Variants in TANK observed in about 807,000 individuals in gnomAD.
TANK encodes the protein TRAF family member associated NFKB activator.
In TANK, 15 loss-of-function variants were observed where a neutral mutation model predicts 43.6. That is an observed-to-expected ratio of 0.34 (90% CI 0.23 to 0.53). The LOEUF (loss-of-function observed/expected upper bound fraction) is 0.53, where lower values mean the gene tolerates loss of function less well. Ranked by LOEUF, TANK falls within the 20% of genes least tolerant of loss-of-function variation. TANK has a pLI of 0.94. For synonymous variants in TANK, 162 were observed against 178.2 expected, an observed-to-expected ratio of 0.91 and a Z score of 0.73; for missense variants, 417 against 498.6, an observed-to-expected ratio of 0.84 and a Z score of 1.56.
At chr2:161,193,793 C>G (rs1686023881) in intron 2 of TANK, among the ~76,000 whole-genome samples, 1 of 152,160 alleles carries the variant, frequency 6.6e-6, no homozygotes, top group Non-Finnish European at 1.5e-5. Context: ...TTCACACCCT[C>G]TAGCCAGAAC....
intron 1 of TANK, among the ~76,000 whole-genome samples, chr2:161,175,833 T>G (rs1685150959): frequency 6.6e-6 from 1 of 152,228 alleles, no homozygotes; most frequent in East Asian, 1.9e-4. Context: ...AAGGAATTAC[T>G]GCTAGATTGA....
intron 1 of TANK, among the ~76,000 whole-genome samples, chr2:161,151,967 C>T (rs1300841440): frequency 6.6e-6 from 1 of 152,012 alleles, no homozygotes; most frequent in East Asian, 1.9e-4. Context: ...TTAGTCATTA[C>T]CATGTGAGTT....
chr2:161,235,213 T>C, intron 7 of TANK, 129 bp from the exon 8 acceptor site: 1 of 746,938 alleles, frequency 1.3e-6, no homozygotes, highest in Non-Finnish European at 2.0e-6. Context: ...TACGGAAAAG[T>C]AATTTGCTTT....
At chr2:161,166,201 T>C (rs576619879) in intron 1 of TANK, among the ~76,000 whole-genome samples, 1 of 152,328 alleles carries the variant, frequency 6.6e-6, no homozygotes, top group South Asian at 2.1e-4. Context: ...AATACAAAAT[T>C]CAAATTCTAA....
chr2:161,203,599 T>A lies in TANK; in HGVS notation c.208+4T>A, dbSNP rs1202514440. On this transcript the variant is annotated splice_donor_region_variant and intron_variant, in intron 3 of 7. Transcript: ENST00000392749. The stretch of plus-strand genomic sequence containing the variant: ...CTTCTTGTGAATTCCACTCAAGGTA[T>A]GTTCATGTTAATTTTTTATGTATTT... 6.3e-7 allele frequency: 1 copy of A among 1,576,666 alleles called. No individual in the cohort carries two copies. Among genetic ancestry groups the A allele is most frequent in the South Asian group, 1.1e-5 (1 of 87,332 alleles).
At chr2:161,163,658 A>G (rs1193992896) in intron 1 of TANK, 1 of 152,220 alleles carries the variant, frequency 6.6e-6, no homozygotes, top group Non-Finnish European at 1.5e-5. Context: ...TCTTAATTTA[A>G]AGGTAATAAC....
In TANK at chr2:161,174,640, C is replaced by T. The variant is rs374849135; in HGVS notation, c.-49-4974C>T. Among the ~76,000 whole-genome samples, 19 of 152,198 alleles carry T rather than the reference C, an allele frequency of 1.2e-4. No individual in the cohort carries two copies. In the East Asian group the frequency reaches 2.7e-3, roughly 22 times the overall value. ...ATAAAGTTAAAGGAGATTCTATTAT[C>T]CAAACTCTTTGTCTTAATAACAAAG... On this transcript the variant is annotated intron_variant, in intron 1 of 7. Transcript: ENST00000392749.
At chr2:161,141,241 T>C (rs1322494031) in intron 1 of TANK, among the ~76,000 whole-genome samples, 1 of 152,262 alleles carries the variant, frequency 6.6e-6, no homozygotes, top group African/African-American at 2.4e-5. Context: ...CCTCAGCCCC[T>C]GGCAACCACA....
intron 1 of TANK, among the ~76,000 whole-genome samples, chr2:161,166,353 A>G (rs1343971010): frequency 1.3e-5 from 2 of 152,342 alleles, no homozygotes; most frequent in African/African-American, 4.8e-5. Context: ...GCAAGAGGTC[A>G]GTTGGGGAAT....
At chr2:161,161,647 A>AAT (rs142452887) in intron 1 of TANK, 104 of 594,348 alleles carry the variant, frequency 1.7e-4, no homozygotes, top group South Asian at 3.1e-4. Flanking sequence ...TTTCAGATTA[A>AAT]ATATATATAT....
At chr2:161,206,455 T>G (rs761026823) in intron 4 of TANK, among the ~76,000 whole-genome samples, 4 of 152,168 alleles carry the variant, frequency 2.6e-5, no homozygotes, top group Non-Finnish European at 5.9e-5. Flanking sequence ...AGTTACTGAT[T>G]GCATAACTAA....
intron 1 of TANK, chr2:161,161,177 A>G (rs564240734): frequency 2.7e-6 from 4 of 1,469,776 alleles, no homozygotes; most frequent in African/African-American, 1.4e-5. Flanking sequence ...TTCTAGAAGT[A>G]GAAAGGGGGA....
chr2:161,162,511 T>C (rs1157429776), intron 1 of TANK: 1 of 152,110 alleles, frequency 6.6e-6, no homozygotes, highest in African/African-American at 2.4e-5. Context: ...ATTCATCTTA[T>C]CTCTTTCTTT....
intron 1 of TANK, among the ~76,000 whole-genome samples, chr2:161,152,322 G>A (rs1228647343): frequency 6.6e-6 from 1 of 151,702 alleles, no homozygotes; most frequent in Non-Finnish European, 1.5e-5. Flanking sequence ...ATTTCTTTAG[G>A]GTAAGTCTAC....
intron 1 of TANK, among the ~76,000 whole-genome samples, chr2:161,174,092 T>C (rs1685074246): frequency 6.6e-6 from 1 of 152,218 alleles, no homozygotes; most frequent in African/African-American, 2.4e-5. Flanking sequence ...CTTATATATA[T>C]GGTCTCACTG....
chr2:161,230,419 T>C (rs986729102), intron 6 of TANK, among the ~76,000 whole-genome samples: 1 of 152,206 alleles, frequency 6.6e-6, no homozygotes, highest in Non-Finnish European at 1.5e-5. Flanking sequence ...TGCATCACAA[T>C]ATTTCATCCT....
At chr2:161,168,139 G>A (rs1684776586) in intron 1 of TANK, among the ~76,000 whole-genome samples, 1 of 152,160 alleles carries the variant, frequency 6.6e-6, no homozygotes, top group Middle Eastern at 3.2e-3. Flanking sequence ...TCACGGGAGA[G>A]TGAGGTGTGA....
intron 2 of TANK, among the ~76,000 whole-genome samples, chr2:161,188,130 T>G (rs1422076574): frequency 1.3e-5 from 2 of 152,022 alleles, no homozygotes; most frequent in Non-Finnish European, 2.9e-5. Flanking sequence ...TAACTTAACT[T>G]TATGCCTGAA....
Position 161,179,734 on chromosome 2 carries a change from T to G in TANK, c.72T>G (p.Asp24Glu), listed in dbSNP as rs534018738. ...TCCGGCAGGCATGCATGGATAGAGA[T>G]TCTGCAGTAAAAGAATTACAGCAAA... ...EAFRQACMDRDSAVKELQQKT... is the reference protein window; with the variant it reads ...EAFRQACMDRESAVKELQQKT... The change falls in exon 2 of 8, where the codon GAT becomes GAG. Residue 24 changes from aspartate to glutamate, a missense_variant. Asp to Glu is a conservative substitution (Grantham distance 45, BLOSUM62 2). Coordinates refer to ENST00000392749, the MANE Select transcript of TANK (RefSeq NM_001199135.3). The G allele has an allele frequency of 2.5e-6, 4 of 1,612,270 alleles. No homozygotes were observed. The Admixed American group carries it at 5.0e-5, about 20-fold the overall frequency.
Sources: allele counts gnomAD v4.1 joint callset (sites outside exome capture counted in the v4.1 genomes callset), GRCh38; gene constraint gnomAD v4.1.1; transcripts MANE v1.5; gene names NCBI Gene and HGNC (gene_info 2026-07-23, HGNC 2026-07-21).